Variants in MYOM2 observed in about 807,000 individuals in gnomAD.
The protein encoded by MYOM2 is myomesin-2.
In MYOM2, 254 loss-of-function variants were observed where a neutral mutation model predicts 187.6. The observed-to-expected ratio is 1.35, with a 90% CI of 1.22 to 1.50. MYOM2 has a LOEUF of 1.50. Ranked by LOEUF, MYOM2 falls within the 40% of genes most tolerant of loss-of-function variation. The pLI, the probability that MYOM2 is intolerant of heterozygous loss-of-function variation, is 0.00. For synonymous variants in MYOM2, 981 were observed against 753.8 expected, an observed-to-expected ratio of 1.30 and a Z score of -4.94; for missense variants, 2,796 against 1,924.0, an observed-to-expected ratio of 1.45 and a Z score of -8.48.
intron 28 of MYOM2, among the ~76,000 whole-genome samples, chr8:2,120,030 A>AT: frequency 6.6e-6 from 1 of 152,250 alleles, no homozygotes; most frequent in Non-Finnish European, 1.5e-5. Flanking sequence ...GTGGGCTGTG[A>AT]TTGCCACTGA....
rs555690948 is a variant in MYOM2 at position 2,079,625 on chromosome 8, C to T, written c.1516+12C>T. On this transcript the variant is annotated intron_variant, in intron 13 of 36. Transcript: ENST00000262113. ...GGATGACCTTGAAGGTAAGTAGCAC[C>T]TCATCACCCCAGCTGCTCAGCCCCT... is the stretch of plus-strand genomic sequence containing the variant. 1.9e-6 allele frequency: 3 copies of T among 1,613,434 alleles called. No homozygotes were observed. Among genetic ancestry groups the T allele is most frequent in the East Asian group, 2.2e-5 (1 of 44,882 alleles).
At chr8:2,065,442 C>T (rs1333070753) in intron 6 of MYOM2, among the ~76,000 whole-genome samples, 3 of 152,068 alleles carry the variant, frequency 2.0e-5, no homozygotes, top group Admixed American at 6.5e-5. Flanking sequence ...TGGTGGTGCG[C>T]ACCTGTAATC....
intron 32 of MYOM2, among the ~76,000 whole-genome samples, chr8:2,129,503 G>C (rs1418033080): frequency 6.6e-6 from 1 of 152,186 alleles, no homozygotes; most frequent in Non-Finnish European, 1.5e-5. Context: ...GGCTTTACTG[G>C]TAACACAGAT....
intron 13 of MYOM2, among the ~76,000 whole-genome samples, chr8:2,080,522 C>T (rs543737626): frequency 6.6e-6 from 1 of 152,168 alleles, no homozygotes; most frequent in Non-Finnish European, 1.5e-5. Context: ...GCCAAGGGAA[C>T]CTTTAAGCCT....
chr8:2,086,231 C>T lies in MYOM2; in HGVS notation c.1644+841C>T, dbSNP rs1438828741. On this transcript the variant is annotated intron_variant, in intron 14 of 36. Transcript: ENST00000262113. ...CCACTGTCATGATCTCTTTGTGGCC[C>T]CCCACTGTTGTGATCTTTGCGTGGC... Among the ~76,000 whole-genome samples the T allele has an allele frequency of 6.6e-4, 33 of 49,764 alleles. 4 individuals carry two copies. Among genetic ancestry groups the T allele is most frequent in the African/African-American group, 1.4e-3 (20 of 14,046 alleles). 32.6% of individuals were successfully genotyped at this position (49,764 alleles called of 152,430 possible).
rs117415268 is a variant in MYOM2 at position 2,086,616 on chromosome 8, C to T, written c.1644+1226C>T. Among the ~76,000 whole-genome samples the T allele has an allele frequency of 3.9e-3, 601 of 152,258 alleles. 3 individuals carry two copies. The highest frequency in any genetic ancestry group is 0.03 in the East Asian group (154 of 5,164). On this transcript the variant is annotated intron_variant, in intron 14 of 36. Coordinates refer to ENST00000262113, the MANE Select transcript of MYOM2 (RefSeq NM_003970.4). The stretch of plus-strand genomic sequence containing the variant: ...GTTGCTGGGGAAAATGAGGTTAGGG[C>T]TGTGGTCACACGGCAGCAGGGGCGG...
chr8:2,078,160 GA>G (rs1264055473), intron 11 of MYOM2, among the ~76,000 whole-genome samples: 4 of 152,170 alleles, frequency 2.6e-5, no homozygotes, highest in African/African-American at 9.7e-5. Context: ...TTCTGGTCAG[GA>G]ATTAATATTT....
chr8:2,100,000 CTTCCTTCCTTCCT>C (rs1796627434), intron 19 of MYOM2, among the ~76,000 whole-genome samples: 1 of 123,698 alleles, frequency 8.1e-6, no homozygotes, highest in Non-Finnish European at 1.8e-5. Flanking sequence ...TCCTTCTTTC[CTTCCTTCCTTCCT>C]TTCTTTCCTT....
chr8:2,050,019 C>T (rs117305165), intron 1 of MYOM2, among the ~76,000 whole-genome samples: 213 of 152,264 alleles, frequency 1.4e-3, no homozygotes, highest in Non-Finnish European at 2.4e-3. Context: ...AGACTTCAGA[C>T]GGCAGATTCC....
intron 27 of MYOM2, 50 bp from the exon 28 acceptor site, chr8:2,117,835 T>C (rs1199370556): frequency 7.6e-7 from 1 of 1,322,370 alleles, no homozygotes; most frequent in African/African-American, 1.5e-5. Flanking sequence ...TATATTTATT[T>C]GTTTACTTTT....
intron 25 of MYOM2, among the ~76,000 whole-genome samples, chr8:2,115,213 G>A (rs777677442): frequency 2.7e-5 from 4 of 148,648 alleles, no homozygotes; most frequent in Non-Finnish European, 6.0e-5. Flanking sequence ...AGAGAAATAA[G>A]CATTAATAAA....
chr8:2,143,434 T>C lies in MYOM2; in HGVS notation c.4058T>C (p.Val1353Ala). 2 of 1,613,886 alleles carry C rather than the reference T, an allele frequency of 1.2e-6. No individual in the cohort carries two copies. Among genetic ancestry groups the C allele is most frequent in the Non-Finnish European group, 1.7e-6 (2 of 1,179,996 alleles). ...RGRLIGGLPDVVTIMEGKTLN... is the reference protein window; with the variant it reads ...RGRLIGGLPDAVTIMEGKTLN... ...AGGTTGATCGGCGGCTTGCCTGACGTGGTGACCATCATGGAAGGGAAGGTG... is the reference window on the plus strand; with the variant it reads ...AGGTTGATCGGCGGCTTGCCTGACGCGGTGACCATCATGGAAGGGAAGGTG... Residue 1353 changes from valine (V) to alanine (A), a missense_variant, in exon 36 of 37, where the codon GTG (valine) becomes GCG (alanine). Coordinates refer to ENST00000262113, the MANE Select transcript of MYOM2 (RefSeq NM_003970.4).
At chr8:2,069,668 G>A (rs928065400) in intron 8 of MYOM2, among the ~76,000 whole-genome samples, 171 bp downstream of exon 8, 7 of 151,532 alleles carry the variant, frequency 4.6e-5, no homozygotes, top group Non-Finnish European at 7.4e-5. Flanking sequence ...CATAAGCTCC[G>A]CCTCCCGGGT....
At chr8:2,064,203 G>T (rs1818939613) in intron 6 of MYOM2, among the ~76,000 whole-genome samples, 1 of 152,184 alleles carries the variant, frequency 6.6e-6, no homozygotes, top group Non-Finnish European at 1.5e-5. Context: ...GCAGGCAGGG[G>T]GCAAACCCTG....
chr8:2,057,406 C>G lies in MYOM2; in HGVS notation c.322C>G (p.Leu108Val), dbSNP rs765425718. ...EAKRQRFLSELAHLEEDVHLA... is the reference protein window; with the variant it reads ...EAKRQRFLSEVAHLEEDVHLA... Reference sequence around the variant, plus strand: ...CAAGCGACAGCGCTTCCTCAGCGAGCTGGCCCACTTGGAGGAGGATGTCCA... The same window carrying G: ...CAAGCGACAGCGCTTCCTCAGCGAGGTGGCCCACTTGGAGGAGGATGTCCA... The change falls in exon 4 of 37, where the codon CTG (leucine) becomes GTG (valine). Residue 108 changes from leucine to valine, a missense_variant. Leu to Val is a conservative substitution (Grantham distance 32). Coordinates refer to ENST00000262113, the MANE Select transcript of MYOM2 (RefSeq NM_003970.4). The G allele has an allele frequency of 6.2e-7, 1 of 1,614,004 alleles. No individual in the cohort carries two copies. Among genetic ancestry groups the G allele is most frequent in the Non-Finnish European group, 8.5e-7 (1 of 1,179,980 alleles).
chr8:2,123,210 C>A (rs756196103), intron 28 of MYOM2, 42 bp from the exon 29 acceptor site: 2 of 1,306,496 alleles, frequency 1.5e-6, no homozygotes, highest in Non-Finnish European at 2.2e-6. Context: ...TCTCATGAGT[C>A]AGAATGATTT....
intron 19 of MYOM2, 125 bp from the exon 20 acceptor site, chr8:2,100,751 A>G: frequency 1.2e-6 from 1 of 858,084 alleles, no homozygotes; most frequent in South Asian, 1.6e-5. Context: ...TCAGATGGGG[A>G]ACAGATACGG....
rs567639068 is a variant in MYOM2, at chr8:2,119,636, T to G, written c.3453+1684T>G. Among the ~76,000 whole-genome samples the G allele has an allele frequency of 5.9e-5, 9 of 152,168 alleles. No individual in the cohort carries two copies. In the South Asian group the frequency reaches 1.9e-3, roughly 32 times the overall value. ...AGGAGCCCGCTGCCCTCTGAGGTGC[T>G]CAGCTGGCAGTGAGGGAGAGCGAGG... On this transcript the variant is annotated intron_variant, in intron 28 of 36. Transcript: ENST00000262113.
chr8:2,139,180 G>C (rs1019520542), intron 32 of MYOM2, among the ~76,000 whole-genome samples: 1 of 152,158 alleles, frequency 6.6e-6, no homozygotes, highest in Non-Finnish European at 1.5e-5. Context: ...TCGCTCTGTT[G>C]GCCAGGCCGG....
Sources: gnomAD v4.1 joint callset for allele counts (sites outside exome capture counted in the v4.1 genomes callset) on GRCh38, gnomAD v4.1.1 for gene constraint, MANE v1.5 for transcripts, NCBI Gene and HGNC (gene_info 2026-07-23, HGNC 2026-07-21) for gene names.